Variants in TLL1 observed in about 807,000 individuals in gnomAD.
TLL1 encodes the protein tolloid like 1.
In TLL1, 49 loss-of-function variants were observed where a neutral mutation model predicts 128.2. The ratio of observed to expected loss-of-function variants is 0.38; its 90% CI spans 0.30 to 0.48. TLL1 has a LOEUF of 0.48. Among genes scored for constraint, TLL1 ranks in the 20% least tolerant of loss-of-function variants. The pLI is 0.96. For missense variants in TLL1, 1,123 were observed against 1,242.0 expected, an observed-to-expected ratio of 0.90 and a Z score of 1.44; for synonymous variants, 454 against 418.8, an observed-to-expected ratio of 1.08 and a Z score of -1.03.
At chr4:165,934,516 C>T (rs1345914315) in intron 1 of TLL1, among the ~76,000 whole-genome samples, 2 of 152,162 alleles carry the variant, frequency 1.3e-5, no homozygotes, top group African/African-American at 4.8e-5. Flanking sequence ...GTAAAGATGG[C>T]AGAAAGTGGT....
intron 1 of TLL1, among the ~76,000 whole-genome samples, chr4:165,918,929 GTTC>G (rs1732905555): frequency 6.6e-6 from 1 of 152,132 alleles, no homozygotes; most frequent in African/African-American, 2.4e-5. Context: ...TGTAAATAGA[GTTC>G]TTCTGTGGTC....
At chr4:166,069,994 T>C (rs962064071) in intron 16 of TLL1, among the ~76,000 whole-genome samples, 2 of 151,862 alleles carry the variant, frequency 1.3e-5, no homozygotes, top group African/African-American at 4.8e-5. Context: ...GGACATTATG[T>C]AGAATTATGT....
At chr4:165,931,485 A>G (rs113813823) in intron 1 of TLL1, among the ~76,000 whole-genome samples, 140 of 152,076 alleles carry the variant, frequency 9.2e-4, no homozygotes, top group South Asian at 1.9e-3. Context: ...TTGGGAGGCC[A>G]AGGCGGGCGG....
At chr4:165,933,531 C>T (rs7654247) in intron 1 of TLL1, among the ~76,000 whole-genome samples, 13,527 of 152,188 alleles carry the variant, frequency 0.089, 1,972 homozygotes, top group African/African-American at 0.3. Context: ...TTCAGAACCA[C>T]TTTGACTCTG....
chr4:165,968,582 A>G (rs1305631156), intron 1 of TLL1, among the ~76,000 whole-genome samples: 3 of 152,312 alleles, frequency 2.0e-5, no homozygotes, highest in African/African-American at 4.8e-5. Flanking sequence ...AGTTAGGTAC[A>G]TGAATATTTA....
At chr4:165,883,715 T>C (rs2110816204) in intron 1 of TLL1, among the ~76,000 whole-genome samples, 1 of 152,310 alleles carries the variant, frequency 6.6e-6, no homozygotes, top group South Asian at 2.1e-4. Context: ...GTGGGATAAA[T>C]GTCTTTGTTT....
intron 1 of TLL1, among the ~76,000 whole-genome samples, chr4:165,923,402 A>G (rs1304548816): frequency 7.1e-6 from 1 of 140,874 alleles, no homozygotes; most frequent in Admixed American, 7.5e-5. Context: ...AGGAAAGTGC[A>G]TCGGAAATAT....
chr4:166,087,121 T>C (rs1186179662), intron 18 of TLL1, among the ~76,000 whole-genome samples: 1 of 152,150 alleles, frequency 6.6e-6, no homozygotes. Context: ...ACCTTTTGAA[T>C]TAATGTTCAT....
At chr4:165,906,286 C>T (rs1732251581) in intron 1 of TLL1, among the ~76,000 whole-genome samples, 1 of 152,184 alleles carries the variant, frequency 6.6e-6, no homozygotes, top group Non-Finnish European at 1.5e-5. Context: ...ACATAGTATG[C>T]ACTACGTGCC....
At chr4:166,047,610 A>G (rs1739522749) in intron 12 of TLL1, among the ~76,000 whole-genome samples, 1 of 151,798 alleles carries the variant, frequency 6.6e-6, no homozygotes, top group South Asian at 2.1e-4. Context: ...TTAGCTGTCC[A>G]TCATTCATGC....
chr4:165,920,122 T>G (rs569625277), intron 1 of TLL1, among the ~76,000 whole-genome samples: 4 of 152,352 alleles, frequency 2.6e-5, no homozygotes, highest in South Asian at 2.1e-4. Flanking sequence ...GCGTCTCCTG[T>G]GAAAATCATC....
intron 1 of TLL1, among the ~76,000 whole-genome samples, chr4:165,960,000 T>C (rs1037128526): frequency 2.0e-5 from 3 of 152,044 alleles, no homozygotes; most frequent in Non-Finnish European, 2.9e-5. Flanking sequence ...CGAGCAGAGC[T>C]GAATGAAATA....
chr4:165,903,663 G>A (rs970932508), intron 1 of TLL1, among the ~76,000 whole-genome samples: 2 of 150,852 alleles, frequency 1.3e-5, no homozygotes, highest in Admixed American at 6.6e-5. Flanking sequence ...TGCCTGCCTC[G>A]GCCTCCCAAA....
At chr4:166,030,498 T>C in intron 9 of TLL1, 1 of 623,240 alleles carries the variant, frequency 1.6e-6, no homozygotes, top group Non-Finnish European at 2.9e-6. Context: ...GAACACAAAT[T>C]ATAAAGTTTG....
In TLL1 at chr4:166,062,624, A is replaced by G. The variant is rs150687630; in HGVS notation, c.2007+2436A>G. 8.5e-3 allele frequency among the ~76,000 whole-genome samples: 1,287 copies of G among 152,250 alleles called. 11 individuals carry two copies. The highest frequency in any genetic ancestry group is 0.044 in the Middle Eastern group (13 of 294). On this transcript the variant is annotated intron_variant, in intron 15 of 20. Coordinates refer to ENST00000061240, the MANE Select transcript of TLL1 (RefSeq NM_012464.5). ...CAGCTTATGGAGATTTTGGGCAGAG[A>G]TGATGGAGTTTTCTAAATATACAAT...
At chr4:166,003,178 C>A (rs1208065529) in intron 5 of TLL1, among the ~76,000 whole-genome samples, 1 of 152,102 alleles carries the variant, frequency 6.6e-6, no homozygotes, top group Non-Finnish European at 1.5e-5. Flanking sequence ...TAGATAATTA[C>A]AAAAGCACTT....
At chr4:165,949,857 T>C (rs1433816133) in intron 1 of TLL1, among the ~76,000 whole-genome samples, 1 of 152,046 alleles carries the variant, frequency 6.6e-6, no homozygotes. Context: ...ACAGCCAAAT[T>C]ATATCAACAA....
At chr4:166,070,675 T>C (rs528267501) in intron 16 of TLL1, among the ~76,000 whole-genome samples, 21 of 151,876 alleles carry the variant, frequency 1.4e-4, no homozygotes, top group Non-Finnish European at 2.7e-4. Context: ...AATGGAGGAG[T>C]CACTTAAAAT....
chr4:166,095,181 A>G lies in TLL1; in HGVS notation c.2656+3840A>G, dbSNP rs560583030. 2.6e-5 allele frequency among the ~76,000 whole-genome samples: 4 copies of G among 152,222 alleles called. No individual in the cohort carries two copies. In the South Asian group the frequency reaches 8.3e-4, roughly 32 times the overall value. On this transcript the variant is annotated intron_variant, in intron 19 of 20. Coordinates refer to ENST00000061240, the MANE Select transcript of TLL1 (RefSeq NM_012464.5). ...AATTTTAATTTTATGCACAAGAAAA[A>G]TTTCAAACACTATGAATTTTTGAAC...
Sources: allele counts gnomAD v4.1 joint callset (sites outside exome capture counted in the v4.1 genomes callset), GRCh38; gene constraint gnomAD v4.1.1; transcripts MANE v1.5; gene names NCBI Gene and HGNC (gene_info 2026-07-23, HGNC 2026-07-21).